The following DPP6 variants were observed in gnomAD, a reference collection of about 807,000 sequenced individuals.
DPP6 encodes A-type potassium channel modulatory protein DPP6.
DPP6 carries 69 observed loss-of-function variants against 122.6 expected under a neutral mutation model. The ratio of observed to expected loss-of-function variants is 0.56; its 90% CI spans 0.46 to 0.69. DPP6 has a LOEUF of 0.69. Ranked by LOEUF, DPP6 falls within the 30% of genes least tolerant of loss-of-function variation. The pLI is 0.00. For synonymous variants in DPP6, 418 were observed against 433.1 expected (o/e 0.97, Z 0.43); for missense variants, 928 against 1,116.9 (o/e 0.83, Z 2.41).
At chr7:154,801,520 G>A in intron 13 of DPP6, 58 bp downstream of exon 13, 1 of 1,510,570 alleles carries the variant, frequency 6.6e-7, no homozygotes, top group Non-Finnish European at 8.9e-7. Flanking sequence ...AGGCCGTGGG[G>A]TGACAGCCTC....
intron 4 of DPP6, among the ~76,000 whole-genome samples, chr7:154,544,295 G>A (rs796100772): frequency 6.6e-6 from 1 of 151,926 alleles, no homozygotes; most frequent in Non-Finnish European, 1.5e-5. Context: ...TTTTTGAAGT[G>A]CTTGTCTACA....
chr7:154,206,154 C>T (rs1799433642), intron 1 of DPP6, among the ~76,000 whole-genome samples: 1 of 152,262 alleles, frequency 6.6e-6, no homozygotes, highest in African/African-American at 2.4e-5. Flanking sequence ...CCAAAGTCCT[C>T]ATGCTCACAC....
intron 1 of DPP6, among the ~76,000 whole-genome samples, chr7:154,198,907 C>A (rs1442352770): frequency 6.6e-6 from 1 of 152,160 alleles, no homozygotes; most frequent in Non-Finnish European, 1.5e-5. Context: ...TCTGAACCCA[C>A]AGCCCCTTTT....
At chr7:154,671,128 A>G (rs1838525345) in intron 7 of DPP6, among the ~76,000 whole-genome samples, 1 of 152,248 alleles carries the variant, frequency 6.6e-6, no homozygotes, top group Non-Finnish European at 1.5e-5. Flanking sequence ...GAGATTGTAG[A>G]AGATCTAAGT....
intron 16 of DPP6, among the ~76,000 whole-genome samples, chr7:154,825,666 T>C (rs572837001): frequency 6.6e-6 from 1 of 152,108 alleles, no homozygotes; most frequent in South Asian, 2.1e-4. Context: ...TAGTTAAGAG[T>C]GGGGTCAGGA....
the DPP6 span, among the ~76,000 whole-genome samples, chr7:153,871,314 C>T: frequency 3.3e-5 from 5 of 152,296 alleles, no homozygotes; most frequent in Non-Finnish European, 5.9e-5. Context: ...TTGAGCTTCC[C>T]GGCTGCTTTG....
At chr7:154,442,327 A>G (rs1291925383) in intron 1 of DPP6, among the ~76,000 whole-genome samples, 1 of 152,198 alleles carries the variant, frequency 6.6e-6, no homozygotes, top group African/African-American at 2.4e-5. Context: ...AAAGAGATAA[A>G]TTAATAGTGG....
At chr7:154,613,534 G>T (rs567999610) in intron 5 of DPP6, among the ~76,000 whole-genome samples, 1 of 144,110 alleles carries the variant, frequency 6.9e-6, no homozygotes, top group African/African-American at 2.6e-5. Flanking sequence ...CAGGAGAATC[G>T]CTTGAACCCA....
intron 1 of DPP6, among the ~76,000 whole-genome samples, chr7:154,008,516 A>G (rs1320841531): frequency 6.7e-6 from 1 of 148,958 alleles, no homozygotes; most frequent in African/African-American, 2.5e-5. Context: ...ATTACCACAT[A>G]GAAACACATT....
intron 7 of DPP6, among the ~76,000 whole-genome samples, chr7:154,690,414 C>T (rs960449509): frequency 6.6e-6 from 1 of 152,120 alleles, no homozygotes; most frequent in Non-Finnish European, 1.5e-5. Flanking sequence ...GAGGGCCTCA[C>T]TCAAGATCTG....
At chr7:154,226,020 G>T (rs1033405056) in intron 1 of DPP6, among the ~76,000 whole-genome samples, 4 of 152,168 alleles carry the variant, frequency 2.6e-5, no homozygotes, top group African/African-American at 9.7e-5. Flanking sequence ...CCACCAAGTG[G>T]CTGAGACACA....
chr7:154,597,283 C>T (rs1833153095), intron 5 of DPP6, among the ~76,000 whole-genome samples: 1 of 151,952 alleles, frequency 6.6e-6, no homozygotes, highest in South Asian at 2.1e-4. Context: ...GTTGGTGTCT[C>T]CTGGCTCAAT....
At chr7:154,769,971 G>T (rs974621287) in intron 9 of DPP6, among the ~76,000 whole-genome samples, 1 of 152,120 alleles carries the variant, frequency 6.6e-6, no homozygotes, top group African/African-American at 2.4e-5. Context: ...AGGCTGTTTT[G>T]TTCATGGTCA....
At chr7:154,507,169 G>A (rs1223127789) in intron 3 of DPP6, among the ~76,000 whole-genome samples, 1 of 152,172 alleles carries the variant, frequency 6.6e-6, no homozygotes, top group Non-Finnish European at 1.5e-5. Context: ...GTGATGGAAG[G>A]CTCTTGATAC....
At chr7:153,947,370 C>A (rs1346532191) in intron 1 of DPP6, among the ~76,000 whole-genome samples, 3 of 152,110 alleles carry the variant, frequency 2.0e-5, no homozygotes, top group Non-Finnish European at 4.4e-5. Context: ...GGCCTGTCTT[C>A]TCGGCTTGTA....
At chr7:154,643,581 G>C (rs1169072375) in intron 6 of DPP6, among the ~76,000 whole-genome samples, 1 of 149,900 alleles carries the variant, frequency 6.7e-6, no homozygotes, top group Non-Finnish European at 1.5e-5. Flanking sequence ...CAATTCTCCT[G>C]CCTCAGCCTC....
intron 1 of DPP6, among the ~76,000 whole-genome samples, chr7:154,366,842 A>G (rs966844963): frequency 1.9e-4 from 29 of 152,198 alleles, no homozygotes; most frequent in Admixed American, 1.6e-3. Context: ...TCCCAATACA[A>G]TTCCCTCCCT....
At chr7:154,580,777 G>A (rs574783228) in intron 5 of DPP6, among the ~76,000 whole-genome samples, 1 of 152,304 alleles carries the variant, frequency 6.6e-6, no homozygotes, top group African/African-American at 2.4e-5. Context: ...GAACCTTCCC[G>A]GTGCGATCAC....
intron 6 of DPP6, among the ~76,000 whole-genome samples, chr7:154,648,231 G>C (rs1836627654): frequency 1.3e-5 from 2 of 149,606 alleles, no homozygotes; most frequent in South Asian, 4.3e-4. Flanking sequence ...TTGTGCCATT[G>C]CACTCTAGCC....
Sources: gnomAD v4.1 joint callset for allele counts (sites outside exome capture counted in the v4.1 genomes callset) on GRCh38, gnomAD v4.1.1 for gene constraint, MANE v1.5 for transcripts, NCBI Gene and HGNC (gene_info 2026-07-23, HGNC 2026-07-21) for gene names.